RBFOX1: variants seen among roughly 807,000 people sequenced by gnomAD.
The protein encoded by RBFOX1 is RNA binding fox-1 homolog 1.
Under a neutral mutation model 57.7 loss-of-function variants are expected in RBFOX1, and 8 were observed. That is an observed-to-expected ratio of 0.14 (90% confidence interval 0.08 to 0.25). The LOEUF (loss-of-function observed/expected upper bound fraction) is 0.25. Among genes scored for constraint, RBFOX1 ranks in the 10% least tolerant of loss-of-function variants. The pLI is 1.00. For missense variants in RBFOX1, 611 were observed against 548.5 expected, an observed-to-expected ratio of 1.11 and a Z score of -1.14; for synonymous variants, 326 against 222.4, an observed-to-expected ratio of 1.47 and a Z score of -4.15.
intron 4 of RBFOX1, among the ~76,000 whole-genome samples, chr16:7,317,077 G>T (rs1007664539): frequency 1.3e-5 from 2 of 151,990 alleles, no homozygotes; most frequent in Admixed American, 6.6e-5. Flanking sequence ...TTTCTGCAGA[G>T]AATAGAGGGA....
At position 5,856,187 on chromosome 16, in the gene RBFOX1, CTATATA is replaced by C. The variant is rs1200113050; in HGVS notation, c.319-11101_319-11096del. Among the ~76,000 whole-genome samples the C allele has an allele frequency of 4.1e-3, 127 of 31,058 alleles. 4 individuals carry two copies. The highest frequency in any genetic ancestry group is 6.0e-3 in the Non-Finnish European group (106 of 17,802). 20.4% of individuals were successfully genotyped at this position (31,058 alleles called of 152,430 possible). ...TCTCTCTCTCTCTCTCTCTCTCTCT[CTATATA>C]TATATATATATATACATATATATGT... On this transcript the variant is annotated intron_variant, in intron 3 of 19. Coordinates refer to the RBFOX1 transcript ENST00000641259.
intron 3 of RBFOX1, among the ~76,000 whole-genome samples, chr16:7,003,287 C>T (rs769247973): frequency 9.9e-5 from 15 of 151,762 alleles, no homozygotes. Context: ...GGTGAAACCC[C>T]CGTCTCTACT....
chr16:7,703,524 T>A (rs1039183149), intron 14 of RBFOX1, among the ~76,000 whole-genome samples: 5 of 152,156 alleles, frequency 3.3e-5, no homozygotes, highest in African/African-American at 1.2e-4. Flanking sequence ...ACGCTCCTCA[T>A]CAAAATAGGG....
intron 1 of RBFOX1, among the ~76,000 whole-genome samples, chr16:5,397,284 C>G (rs1399341704): frequency 1.3e-5 from 2 of 152,032 alleles, no homozygotes; most frequent in Non-Finnish European, 2.9e-5. Flanking sequence ...CTCAGGTGCT[C>G]CAAACATTTC....
intron 4 of RBFOX1, among the ~76,000 whole-genome samples, chr16:7,515,195 A>C (rs2076090254): frequency 6.6e-6 from 1 of 152,132 alleles, no homozygotes; most frequent in African/African-American, 2.4e-5. Context: ...TTCTGTACAG[A>C]AGGATATGTT....
rs187446933 is a variant in RBFOX1, at chr16:6,457,792, G to A, written c.-64+140735G>A. Among the ~76,000 whole-genome samples the A allele has an allele frequency of 3.8e-3, 580 of 152,224 alleles. 5 individuals are homozygous for A. Among genetic ancestry groups the A allele is most frequent in the Non-Finnish European group, 6.9e-3 (468 of 68,016 alleles). On this transcript the variant is annotated intron_variant, in intron 2 of 15. Transcript: ENST00000550418. ...TTAATGACCAGAGAGTAATTAGTCC[G>A]TTGTTGTGTGCAGCTAGGTGTTACA...
At chr16:7,630,350 C>T (rs1024328749) in intron 10 of RBFOX1, among the ~76,000 whole-genome samples, 7 of 149,150 alleles carry the variant, frequency 4.7e-5, no homozygotes, top group Non-Finnish European at 1.0e-4. Context: ...GGCCCTGGGG[C>T]AACCAGAGTC....
At chr16:6,767,947 T>TAATAATAATAATAAGAAGAAGAAGAAG (rs1410744665) in intron 3 of RBFOX1, among the ~76,000 whole-genome samples, 30 of 101,044 alleles carry the variant, frequency 3.0e-4, no homozygotes, top group African/African-American at 1.2e-3. Context: ...ATAATAATAA[T>TAATAATAATAATAAGAAGAAGAAGAAG]AAGAAGAAGA....
chr16:5,548,158 TAAAAAAAA>T (rs59117140), intron 2 of RBFOX1, among the ~76,000 whole-genome samples: 9 of 82,460 alleles, frequency 1.1e-4, no homozygotes, highest in South Asian at 7.5e-4. Context: ...AAGACTCTGT[TAAAAAAAA>T]AAAAAAAAAT....
intron 2 of RBFOX1, among the ~76,000 whole-genome samples, chr16:5,553,019 A>G (rs1165902499): frequency 6.6e-6 from 1 of 152,160 alleles, no homozygotes; most frequent in Non-Finnish European, 1.5e-5. Context: ...ATTCTCAGCA[A>G]ACTGTCACAA....
At chr16:5,255,333 C>CATCT (rs1360315118) in intron 1 of RBFOX1, among the ~76,000 whole-genome samples, 154 of 125,870 alleles carry the variant, frequency 1.2e-3, no homozygotes, top group African/African-American at 4.7e-3. Context: ...TCCATCCATC[C>CATCT]ATCCATCCAT....
rs187683269 is a variant in RBFOX1, at chr16:6,004,385, G to T, written c.351+137050G>T. ...TCCATTGCATAGAGTCATAATGAGG[G>T]TTTACATAGTTAATATTTGTAAAGA... On this transcript the variant is annotated intron_variant, in intron 4 of 19. Transcript: ENST00000641259. Among the ~76,000 whole-genome samples, 689 of 152,188 alleles carry T rather than the reference G, an allele frequency of 4.5e-3. 5 individuals are homozygous for T. Among genetic ancestry groups the T allele is most frequent in the African/African-American group, 0.015 (631 of 41,536 alleles).
At chr16:6,480,628 C>G (rs2095358122) in intron 2 of RBFOX1, among the ~76,000 whole-genome samples, 1 of 152,080 alleles carries the variant, frequency 6.6e-6, no homozygotes, top group Non-Finnish European at 1.5e-5. Flanking sequence ...TTGGACTGTT[C>G]CCAGTACATT....
intron 3 of RBFOX1, among the ~76,000 whole-genome samples, chr16:6,835,367 G>T (rs1230744024): frequency 6.6e-6 from 1 of 152,046 alleles, no homozygotes; most frequent in Non-Finnish European, 1.5e-5. Flanking sequence ...TGCATAATCA[G>T]GACAGGAAAA....
rs1470595487 is a variant in RBFOX1, at chr16:5,803,967, A to G, written c.319-63336A>G. Among the ~76,000 whole-genome samples the G allele has an allele frequency of 2.0e-5, 3 of 152,084 alleles. No homozygotes were observed. The East Asian group carries it at 5.8e-4, about 29-fold the overall frequency. The stretch of plus-strand genomic sequence containing the variant: ...AATTCATGCCCTTCCCTACTTGTCA[A>G]ACTCCTACTTACCCTTCCAAGCCCA... On this transcript the variant is annotated intron_variant, in intron 3 of 19. Coordinates refer to the RBFOX1 transcript ENST00000641259.
intron 4 of RBFOX1, among the ~76,000 whole-genome samples, chr16:5,874,117 A>G (rs2057544851): frequency 6.6e-6 from 1 of 152,296 alleles, no homozygotes; most frequent in Non-Finnish European, 1.5e-5. Context: ...CAGGGTCAGG[A>G]CCCATGGCAC....
chr16:7,428,162 A>G (rs953080566), intron 4 of RBFOX1, among the ~76,000 whole-genome samples: 3 of 152,194 alleles, frequency 2.0e-5, no homozygotes, highest in Non-Finnish European at 2.9e-5. Flanking sequence ...ATCACGTTGC[A>G]TGATAGTGCT....
chr16:6,082,043 C>T (rs117453076), intron 1 of RBFOX1, among the ~76,000 whole-genome samples: 18 of 152,226 alleles, frequency 1.2e-4, no homozygotes, highest in East Asian at 1.9e-4. Context: ...TGTTTTCAAC[C>T]GTATGGCTCT....
chr16:6,580,011 T>G (rs2097511889), intron 2 of RBFOX1, among the ~76,000 whole-genome samples: 1 of 152,070 alleles, frequency 6.6e-6, no homozygotes, highest in African/African-American at 2.4e-5. Flanking sequence ...CAGGCTGGAG[T>G]GCAGCGGTGT....
Sources: allele counts gnomAD v4.1 joint callset (sites outside exome capture counted in the v4.1 genomes callset), GRCh38; gene constraint gnomAD v4.1.1; transcripts MANE v1.5; gene names NCBI Gene and HGNC (gene_info 2026-07-23, HGNC 2026-07-21).